IVNS1ABP: variants seen among roughly 807,000 people sequenced by gnomAD.
The protein encoded by IVNS1ABP is influenza virus NS1A binding protein.
A neutral mutation model predicts 78.9 loss-of-function variants in IVNS1ABP; 25 were observed. The ratio of observed to expected loss-of-function variants is 0.32; its 90% confidence interval spans 0.23 to 0.44. The LOEUF is 0.44. Ranked by LOEUF, IVNS1ABP falls within the 20% of genes least tolerant of loss-of-function variation. IVNS1ABP has a pLI of 1.00. For missense variants in IVNS1ABP, 494 were observed against 768.9 expected (o/e 0.64, Z 4.23); for synonymous variants, 241 against 259.7 (o/e 0.93, Z 0.69).
intron 14 of IVNS1ABP, chr1:185,299,495 G>A: frequency 1.8e-6 from 1 of 569,856 alleles, no homozygotes; most frequent in Non-Finnish European, 3.1e-6. Flanking sequence ...CCCATCAAAA[G>A]ACTGGTGAAT....
Position 185,307,674 on chromosome 1 carries a change from AAT to A in IVNS1ABP, c.358-14_358-13del. ...TAATCACCACAAACCTTGGAAAAGA[AAT>A]ATATGAGTGCCAACACTTACATATC... is the stretch of plus-strand genomic sequence containing the variant. On this transcript the variant is annotated splice_polypyrimidine_tract_variant and intron_variant, in intron 5 of 14. Transcript: ENST00000367498. 2 of 1,609,318 alleles carry A rather than the reference AAT, an allele frequency of 1.2e-6. No homozygotes were observed. Among genetic ancestry groups the A allele is most frequent in the Non-Finnish European group, 1.7e-6 (2 of 1,176,786 alleles).
Position 185,297,095 on chromosome 1 carries a change from A to G in IVNS1ABP, c.*940T>C, listed in dbSNP as rs1665439696. On this transcript the variant is annotated 3_prime_UTR_variant, in exon 15 of 15. Transcript: ENST00000367498. ...TGATAAAACCTGCATTCACAACCTAATGTAGTTTAAAGTAAATTTTTTCAC... is the reference window on the plus strand; with the variant it reads ...TGATAAAACCTGCATTCACAACCTAGTGTAGTTTAAAGTAAATTTTTTCAC... 6.6e-6 allele frequency: 1 copy of G among 152,158 alleles called. No individual in the cohort carries two copies. The highest frequency in any genetic ancestry group is 6.6e-5 in the Admixed American group (1 of 15,258). The allele number at this position is 152,158 out of a possible 1,614,324, so 9.4% of individuals were successfully genotyped here. A position where few individuals can be genotyped will look rare whatever the true frequency, so the allele number is the denominator to read the frequency against.
chr1:185,303,668 C>T (rs1382752002), intron 8 of IVNS1ABP, among the ~76,000 whole-genome samples: 1 of 151,998 alleles, frequency 6.6e-6, no homozygotes, highest in Non-Finnish European at 1.5e-5. Flanking sequence ...ATCCTTTCTC[C>T]TTCATGCCCC....
At chr1:185,316,009 A>G (rs565928036) in intron 1 of IVNS1ABP, among the ~76,000 whole-genome samples, 28 of 152,286 alleles carry the variant, frequency 1.8e-4, no homozygotes, top group African/African-American at 6.5e-4. Context: ...CTATTGGGGG[A>G]AAAAGTAAAT....
In IVNS1ABP at chr1:185,307,658, C is replaced by A. The variant is rs2102819506; in HGVS notation, c.362G>T (p.Cys121Phe). 1 of 1,611,334 alleles carries A rather than the reference C, an allele frequency of 6.2e-7. No homozygotes were observed. The highest frequency in any genetic ancestry group is 2.2e-5 in the East Asian group (1 of 44,816). Residue 121 changes from cysteine to phenylalanine, a missense_variant, in exon 6 of 15, where the codon TGT becomes TTT. Physicochemically the swap from Cys to Phe is radical, Grantham distance 205. Transcript: ENST00000367498. ...KLKMDRVKQV[C>F]GDYLLSRMDV... ...CATTCTAGACAGTAAATAATCACCA[C>A]AAACCTTGGAAAAGAAATATATGAG... is the stretch of plus-strand genomic sequence containing the variant.
chr1:185,306,018 C>G (rs751295963), intron 7 of IVNS1ABP: 9 of 178,058 alleles, frequency 5.1e-5, no homozygotes, highest in Non-Finnish European at 1.1e-4. Flanking sequence ...TAGTTTACAC[C>G]TTTGCAGATA....
chr1:185,298,526 G>A lies in IVNS1ABP; in HGVS notation c.1676-238C>T. 1 of 518,282 alleles carries A rather than the reference G, an allele frequency of 1.9e-6. No individual in the cohort carries two copies. The highest frequency in any genetic ancestry group is 1.9e-5 in the African/African-American group (1 of 51,954). 32.1% of individuals were successfully genotyped at this position (518,282 alleles called of 1,614,324 possible). A position where few individuals can be genotyped will look rare whatever the true frequency, so the allele number is the denominator to read the frequency against. On this transcript the variant is annotated intron_variant, in intron 14 of 14. Coordinates refer to ENST00000367498, the MANE Select transcript of IVNS1ABP (RefSeq NM_006469.5). The surrounding 1 kb of genome is among the most constrained non-coding windows in gnomAD (Gnocchi z 4.1). Reference sequence around the variant, plus strand: ...AGGCAACTTAAAAGGGGGAGGGAGAGGAAGCAGTAGCAGCATCTAAATAAG... The same window carrying A: ...AGGCAACTTAAAAGGGGGAGGGAGAAGAAGCAGTAGCAGCATCTAAATAAG...
intron 1 of IVNS1ABP, among the ~76,000 whole-genome samples, chr1:185,311,650 T>C (rs921935634): frequency 6.6e-6 from 1 of 152,202 alleles, no homozygotes; most frequent in Admixed American, 6.5e-5. Flanking sequence ...TCTTTATTAT[T>C]AATTTCCAAC....
chr1:185,296,687 GA>G lies in IVNS1ABP; in HGVS notation c.*1347del, dbSNP rs1665427304. 6.6e-6 allele frequency: 1 copy of G among 152,024 alleles called. No individual in the cohort carries two copies. The highest frequency in any genetic ancestry group is 1.5e-5 in the Non-Finnish European group (1 of 68,002). The allele number at this position is 152,024 out of a possible 1,614,324, so 9.4% of individuals were successfully genotyped here. On this transcript the variant is annotated 3_prime_UTR_variant, in exon 15 of 15. Transcript: ENST00000367498. ...AGTTAGCCACTGAATAGTCATCTCA[GA>G]ATAGTCACCTCATCCCAGTTGGCCC...
Position 185,305,643 on chromosome 1 carries a change from C to T in IVNS1ABP, c.658G>A (p.Val220Ile). Residue 220 changes from valine (V) to isoleucine (I), a missense_variant and splice_region_variant, in exon 8 of 15, where the codon GTT becomes ATT. Physicochemically the swap from Val to Ile is conservative, Grantham distance 29. Transcript: ENST00000367498. This position sits in a 1 kb window ranked among gnomAD's most constrained non-coding sequence, Gnocchi z 4.0. ...TCAGCTGAGTAGTACAAGGTTTGAA[C>T]CTGCAAAACAGCAACAGAACACCCA... ...GDSLEELMEEVQTLYYSADHK... is the reference protein window; with the variant it reads ...GDSLEELMEEIQTLYYSADHK... 1 of 1,613,012 alleles carries T rather than the reference C, an allele frequency of 6.2e-7. No individual in the cohort carries two copies. Among genetic ancestry groups the T allele is most frequent in the Non-Finnish European group, 8.5e-7 (1 of 1,179,428 alleles).
In IVNS1ABP at chr1:185,305,140, TTAAGG is replaced by T. The variant is rs914920070; in HGVS notation, c.765+391_765+395del. The stretch of plus-strand genomic sequence containing the variant: ...AATTTCCAGTAAGACAGCTCAGTAG[TTAAGG>T]TAACATCCAAAAATTTCTTTCATAG... On this transcript the variant is annotated intron_variant, in intron 8 of 14. Transcript: ENST00000367498. The surrounding 1 kb of genome is among the most constrained non-coding windows in gnomAD (Gnocchi z 4.0). Among the ~76,000 whole-genome samples, 1 of 152,144 alleles carries T rather than the reference TTAAGG, an allele frequency of 6.6e-6. No individual in the cohort carries two copies. The highest frequency in any genetic ancestry group is 1.5e-5 in the Non-Finnish European group (1 of 68,016).
rs1048213303 is a variant in IVNS1ABP at position 185,296,429 on chromosome 1, C to CTGAATA, written c.*1600_*1605dup. 16 of 152,032 alleles carry CTGAATA rather than the reference C, an allele frequency of 1.1e-4. No homozygotes were observed. The highest frequency in any genetic ancestry group is 2.1e-4 in the South Asian group (1 of 4,824). 9.4% of individuals were successfully genotyped at this position (152,032 alleles called of 1,614,324 possible). On this transcript the variant is annotated 3_prime_UTR_variant, in exon 15 of 15. Coordinates refer to ENST00000367498, the MANE Select transcript of IVNS1ABP (RefSeq NM_006469.5). ...TCAACTAAAATTTTATTTCCTTGTG[C>CTGAATA]TGAATAGAACACATACAGATCCATA...
chr1:185,315,187 G>A (rs539134020), intron 1 of IVNS1ABP, among the ~76,000 whole-genome samples: 1 of 152,288 alleles, frequency 6.6e-6, no homozygotes, highest in South Asian at 2.1e-4. Context: ...CTTACTTAGT[G>A]TTACTTCATC....
chr1:185,306,514 G>A, intron 7 of IVNS1ABP: 1 of 1,289,408 alleles, frequency 7.8e-7, no homozygotes, highest in Non-Finnish European at 1.0e-6. Context: ...TCTGCCCACA[G>A]CGGATTTTTC....
chr1:185,300,528 G>T lies in IVNS1ABP; in HGVS notation c.1151C>A (p.Thr384Lys), dbSNP rs1374526413. The change falls in exon 11 of 15, where the codon ACA becomes AAA. Residue 384 changes from threonine (T) to lysine (K), a missense_variant. By Grantham distance (78) the Thr-to-Lys change is moderately conservative. Transcript: ENST00000367498. ...TGTATGTGGATTATAGCATTCGACT[G>T]TTCGAAGACATTCCTCTCTGTTATA... Reference protein sequence around the residue: ...GGYNREECLRTVECYNPHTDH... With the variant: ...GGYNREECLRKVECYNPHTDH... 2 of 1,613,172 alleles carry T rather than the reference G, an allele frequency of 1.2e-6. No homozygotes were observed. Among genetic ancestry groups the T allele is most frequent in the Non-Finnish European group, 1.7e-6 (2 of 1,179,458 alleles).
At chr1:185,299,384 C>G (rs556239787) in intron 14 of IVNS1ABP, 61 of 325,224 alleles carry the variant, frequency 1.9e-4, no homozygotes, top group African/African-American at 1.3e-3. Flanking sequence ...AGATCAGATT[C>G]TTTAAATTCT....
At chr1:185,309,214 T>C in intron 3 of IVNS1ABP, 42 bp from the exon 4 acceptor site, 1 of 1,425,194 alleles carries the variant, frequency 7.0e-7, no homozygotes, top group Non-Finnish European at 9.5e-7. Context: ...TTGTGGATTA[T>C]GTGCTTCTCT....
In IVNS1ABP at chr1:185,309,508, T is replaced by A; in HGVS notation, c.-15A>T. 1 of 1,500,294 alleles carries A rather than the reference T, an allele frequency of 6.7e-7. No individual in the cohort carries two copies. The highest frequency in any genetic ancestry group is 2.3e-5 in the East Asian group (1 of 44,256). The allele number at this position is 1,500,294 out of a possible 1,614,324, so 92.9% of individuals were successfully genotyped here. On this transcript the variant is annotated 5_prime_UTR_variant, in exon 3 of 15. Transcript: ENST00000367498. ...TTGGGAATCATTTTTCCTTATAAATTTGGCTAGATGATGAAAAGAAAGCTG... is the reference window on the plus strand; with the variant it reads ...TTGGGAATCATTTTTCCTTATAAATATGGCTAGATGATGAAAAGAAAGCTG...
intron 5 of IVNS1ABP, among the ~76,000 whole-genome samples, chr1:185,308,504 T>C (rs147369889): frequency 9.3e-4 from 142 of 152,324 alleles, no homozygotes; most frequent in African/African-American, 3.3e-3. Flanking sequence ...ATAAGTTATG[T>C]GATTAACTCT....
Sources: allele counts gnomAD v4.1 joint callset (sites outside exome capture counted in the v4.1 genomes callset), GRCh38; gene constraint gnomAD v4.1.1; non-coding constraint Gnocchi (gnomAD v3.1); transcripts MANE v1.5; gene names NCBI Gene and HGNC (gene_info 2026-07-23, HGNC 2026-07-21).